Variants in EYS observed in about 807,000 individuals in gnomAD.
EYS encodes the protein EGF-like photoreceptor maintenance factor, also known as protein eyes shut homolog.
In EYS, 250 loss-of-function variants were observed where a neutral mutation model predicts 282.1. The observed-to-expected ratio is 0.89, with a 90% CI of 0.80 to 0.98. EYS has a LOEUF of 0.98. Among genes scored for constraint, EYS ranks in the 50% least tolerant of loss-of-function variants. EYS has a pLI of 0.00. For missense variants in EYS, 4,016 were observed against 3,709.0 expected (o/e 1.08, Z -2.15); for synonymous variants, 1,355 against 1,282.9 (o/e 1.06, Z -1.20).
chr6:65,036,379 T>C (rs752511580), intron 13 of EYS, among the ~76,000 whole-genome samples: 10 of 151,548 alleles, frequency 6.6e-5, no homozygotes, highest in Non-Finnish European at 1.5e-4. Flanking sequence ...ATAACAATCC[T>C]AGAAAAAAAA....
At chr6:64,642,602 A>C (rs1177166499) in intron 22 of EYS, among the ~76,000 whole-genome samples, 9 of 152,232 alleles carry the variant, frequency 5.9e-5, no homozygotes, top group Admixed American at 5.9e-4. Flanking sequence ...TCTTTGGAGA[A>C]ATCATAAATG....
chr6:64,966,700 G>A (rs945516201), intron 14 of EYS, among the ~76,000 whole-genome samples: 1 of 152,086 alleles, frequency 6.6e-6, no homozygotes, highest in Non-Finnish European at 1.5e-5. Context: ...TCCTCACATA[G>A]CCTTTTTCTT....
chr6:63,830,944 G>A (rs1771615818), intron 36 of EYS, among the ~76,000 whole-genome samples: 1 of 152,190 alleles, frequency 6.6e-6, no homozygotes, highest in East Asian at 1.9e-4. Context: ...TTTCAACCCA[G>A]AATTTCATAT....
intron 41 of EYS, among the ~76,000 whole-genome samples, chr6:63,737,004 T>A (rs2149638709): frequency 6.6e-6 from 1 of 152,092 alleles, no homozygotes; most frequent in East Asian, 1.9e-4. Context: ...CAATGGGGTT[T>A]TCTAGATATA....
At chr6:64,796,876 C>A (rs1009167574) in intron 22 of EYS, among the ~76,000 whole-genome samples, 104 of 152,050 alleles carry the variant, frequency 6.8e-4, no homozygotes, top group African/African-American at 1.9e-3. Context: ...CAATTTTACA[C>A]CATTCTTGTA....
At chr6:64,195,490 A>G (rs142950515) in intron 31 of EYS, among the ~76,000 whole-genome samples, 4,123 of 152,160 alleles carry the variant, frequency 0.027, 61 homozygotes, top group African/African-American at 0.042. Context: ...TTTAGTAGAG[A>G]CGGGGTTTCA....
At chr6:64,371,318 T>G (rs1486242437) in intron 29 of EYS, among the ~76,000 whole-genome samples, 1 of 94,466 alleles carries the variant, frequency 1.1e-5, no homozygotes, top group Non-Finnish European at 2.3e-5. Context: ...TGTAATTTTA[T>G]GGTTGGTTTT....
intron 34 of EYS, among the ~76,000 whole-genome samples, chr6:63,990,802 G>A (rs992248313): frequency 6.6e-6 from 1 of 151,590 alleles, no homozygotes; most frequent in Admixed American, 6.6e-5. Context: ...AATATCTGGG[G>A]ACTGCTGAGA....
chr6:64,734,987 T>A (rs1035363121), intron 22 of EYS, among the ~76,000 whole-genome samples: 1 of 152,176 alleles, frequency 6.6e-6, no homozygotes, highest in Admixed American at 6.5e-5. Context: ...AACCTAAATA[T>A]GTTAATGAGG....
intron 26 of EYS, among the ~76,000 whole-genome samples, chr6:64,471,731 G>A (rs1044722315): frequency 6.6e-6 from 1 of 152,052 alleles, no homozygotes; most frequent in Non-Finnish European, 1.5e-5. Flanking sequence ...CTAGAAAATA[G>A]CAATGCTACA....
rs995644546 is a variant in EYS, at chr6:63,860,469, A to G, written c.7228+3717T>C. 4.6e-5 allele frequency among the ~76,000 whole-genome samples: 7 copies of G among 152,250 alleles called. No homozygotes were observed. In the South Asian group the frequency reaches 1.2e-3, roughly 27 times the overall value. On this transcript the variant is annotated intron_variant, in intron 36 of 42. Transcript: ENST00000503581. ...TGTAGGGAAACCTTCAATCAAAAAGAACCATGAGACAATGGTCAAACATTT... is the reference window on the plus strand; with the variant it reads ...TGTAGGGAAACCTTCAATCAAAAAGGACCATGAGACAATGGTCAAACATTT...
At chr6:64,107,678 C>A (rs1773077703) in intron 31 of EYS, among the ~76,000 whole-genome samples, 1 of 152,060 alleles carries the variant, frequency 6.6e-6, no homozygotes, top group African/African-American at 2.4e-5. Context: ...AGTTGACACT[C>A]AGTATTAACC....
chr6:65,643,561 C>T (rs1311497410), intron 1 of EYS, among the ~76,000 whole-genome samples: 1 of 152,200 alleles, frequency 6.6e-6, no homozygotes, highest in Non-Finnish European at 1.5e-5. Context: ...TTTGCATCCT[C>T]CCTATAGTAC....
intron 31 of EYS, among the ~76,000 whole-genome samples, chr6:64,187,710 CA>C (rs1214059247): frequency 6.6e-6 from 1 of 151,942 alleles, no homozygotes; most frequent in Admixed American, 6.6e-5. Flanking sequence ...GAGGAGAAAC[CA>C]GGAAGCAATA....
At chr6:65,620,355 G>A (rs1766424696) in intron 2 of EYS, among the ~76,000 whole-genome samples, 1 of 152,124 alleles carries the variant, frequency 6.6e-6, no homozygotes, top group Admixed American at 6.5e-5. Flanking sequence ...GGTGTTTGTA[G>A]TATTCTCTGA....
At chr6:65,337,299 A>G (rs773398071) in intron 10 of EYS, among the ~76,000 whole-genome samples, 3 of 151,368 alleles carry the variant, frequency 2.0e-5, no homozygotes, top group Non-Finnish European at 3.0e-5. Context: ...AACTGAAGCT[A>G]TAAGTTTTCT....
chr6:63,851,078 A>C (rs1356427645), intron 36 of EYS, among the ~76,000 whole-genome samples: 1 of 152,242 alleles, frequency 6.6e-6, no homozygotes, highest in Non-Finnish European at 1.5e-5. Flanking sequence ...GAGACAAAGA[A>C]GGGCATTACA....
At chr6:65,579,834 G>T (rs1562269827) in intron 2 of EYS, among the ~76,000 whole-genome samples, 1 of 152,196 alleles carries the variant, frequency 6.6e-6, no homozygotes, top group East Asian at 1.9e-4. Context: ...GTAGAACCTT[G>T]TCTCCAGGGA....
At chr6:64,465,171 A>C (rs1396770443) in intron 26 of EYS, among the ~76,000 whole-genome samples, 1 of 152,120 alleles carries the variant, frequency 6.6e-6, no homozygotes, top group East Asian at 1.9e-4. Flanking sequence ...AACATTGTTT[A>C]AATGTTCATA....
Sources: allele counts gnomAD v4.1 joint callset (sites outside exome capture counted in the v4.1 genomes callset), GRCh38; gene constraint gnomAD v4.1.1; transcripts MANE v1.5; gene names NCBI Gene and HGNC (gene_info 2026-07-23, HGNC 2026-07-21).